Variants in PCDHGB4 observed in about 807,000 individuals in gnomAD.
PCDHGB4 encodes protocadherin gamma subfamily B, 4.
A neutral mutation model predicts 60.5 loss-of-function variants in PCDHGB4; 38 were observed. That is an observed-to-expected ratio of 0.63 (90% CI 0.48 to 0.82). The LOEUF is 0.82. Among genes scored for constraint, PCDHGB4 ranks in the 40% least tolerant of loss-of-function variants. The pLI, the probability that PCDHGB4 is intolerant of heterozygous loss-of-function variation, is 0.00. For synonymous variants in PCDHGB4, 456 were observed against 509.7 expected (o/e 0.89, Z 1.42); for missense variants, 1,109 against 1,209.6 (o/e 0.92, Z 1.23).
intron 1 of PCDHGB4, chr5:141,418,939 C>G: frequency 6.2e-7 from 1 of 1,613,760 alleles, no homozygotes; most frequent in Non-Finnish European, 8.5e-7. Context: ...TGGAGGATTC[C>G]CCTCCAGGAG....
intron 1 of PCDHGB4, among the ~76,000 whole-genome samples, chr5:141,461,253 C>A (rs1358900194): frequency 6.6e-6 from 1 of 152,108 alleles, no homozygotes; most frequent in Non-Finnish European, 1.5e-5. Flanking sequence ...ATATTCCCAG[C>A]AGCAATGTGT....
At chr5:141,505,151 G>T (rs2099844154) in intron 2 of PCDHGB4, among the ~76,000 whole-genome samples, 1 of 152,164 alleles carries the variant, frequency 6.6e-6, no homozygotes, top group Non-Finnish European at 1.5e-5. Context: ...GACAGAGTAA[G>T]ACCCTGTCTA....
chr5:141,508,627 C>T (rs566012494), intron 3 of PCDHGB4, among the ~76,000 whole-genome samples: 1 of 152,262 alleles, frequency 6.6e-6, no homozygotes, highest in South Asian at 2.1e-4. Flanking sequence ...GTGGGCCGAG[C>T]TTCTAGCTAC....
chr5:141,497,824 T>G (rs1164705269), intron 2 of PCDHGB4, among the ~76,000 whole-genome samples: 1 of 152,086 alleles, frequency 6.6e-6, no homozygotes, highest in African/African-American at 2.4e-5. Flanking sequence ...ACAGGTGTGA[T>G]CGCCCCCGGC....
chr5:141,502,825 G>A (rs1487995525), intron 2 of PCDHGB4, among the ~76,000 whole-genome samples: 4 of 151,216 alleles, frequency 2.6e-5, no homozygotes, highest in South Asian at 2.1e-4. Flanking sequence ...TTTCCTTGGG[G>A]AAGCCTGGAC....
At position 141,389,758 on chromosome 5, in the gene PCDHGB4, G is replaced by T. The variant is rs201153580; in HGVS notation, c.1874G>T (p.Arg625Leu). The change falls in exon 1 of 4, where the codon CGC becomes CTC. Residue 625 changes from arginine to leucine, a missense_variant. Around this residue, in one of 2 missense-constraint regions of PCDHGB4, gnomAD observed 1,068 missense variants for 1,089.9 expected, o/e 0.98. Transcript: ENST00000519479. Reference sequence around the variant, plus strand: ...CTGGGGCTGCGCACGGGCGAAGTGCGCACAGCGCGTGCCTTAGGCGACAGG... The same window carrying T: ...CTGGGGCTGCGCACGGGCGAAGTGCTCACAGCGCGTGCCTTAGGCGACAGG... ...FSLGLRTGEV[R>L]TARALGDRDA... is the part of the protein sequence containing the mutation. The T allele has an allele frequency of 1.4e-4, 224 of 1,612,792 alleles. No homozygotes were observed. The African/African-American group carries it at 2.7e-3, about 19-fold the overall frequency.
In PCDHGB4 at chr5:141,490,275, C is replaced by A; in HGVS notation, c.2398-4532C>A. 6.2e-7 allele frequency: 1 copy of A among 1,614,238 alleles called. No individual in the cohort carries two copies. The highest frequency in any genetic ancestry group is 8.5e-7 in the Non-Finnish European group (1 of 1,180,044). On this transcript the variant is annotated intron_variant, in intron 1 of 3. Transcript: ENST00000519479. The surrounding 1 kb of genome is among the most constrained non-coding windows in gnomAD (Gnocchi z 5.4). Reference sequence around the variant, plus strand: ...AAGTGGATGTGGGGGATGTCAATGACAATGCCCCAGAGGTGCTATTGGCCT... The same window carrying A: ...AAGTGGATGTGGGGGATGTCAATGAAAATGCCCCAGAGGTGCTATTGGCCT...
Position 141,490,876 on chromosome 5 carries a change from G to T in PCDHGB4, c.2398-3931G>T. On this transcript the variant is annotated intron_variant, in intron 1 of 3. Coordinates refer to ENST00000519479, the MANE Select transcript of PCDHGB4 (RefSeq NM_003736.4). The surrounding 1 kb of genome is among the most constrained non-coding windows in gnomAD (Gnocchi z 5.4). Reference sequence around the variant, plus strand: ...AGACTCCGGCTCTCCCCCATTGCATGCCAACACATCTCTGCATGTGTTTGT... The same window carrying T: ...AGACTCCGGCTCTCCCCCATTGCATTCCAACACATCTCTGCATGTGTTTGT... 6.2e-7 allele frequency: 1 copy of T among 1,613,840 alleles called. No homozygotes were observed. The highest frequency in any genetic ancestry group is 8.5e-7 in the Non-Finnish European group (1 of 1,179,894).
In PCDHGB4 at chr5:141,489,203, C is replaced by A; in HGVS notation, c.2398-5604C>A. On this transcript the variant is annotated intron_variant, in intron 1 of 3. Transcript: ENST00000519479. The surrounding 1 kb of genome is among the most constrained non-coding windows in gnomAD (Gnocchi z 4.5). ...CCCTGGGTCTACCTTGGAGACAGGA[C>A]AGCACAGACTTACTCTCCACAAAGG... is the stretch of plus-strand genomic sequence containing the variant. 7.1e-7 allele frequency: 1 copy of A among 1,414,834 alleles called. No individual in the cohort carries two copies. Among genetic ancestry groups the A allele is most frequent in the Non-Finnish European group, 9.6e-7 (1 of 1,040,052 alleles). The allele number at this position is 1,414,834 out of a possible 1,614,324, so 87.6% of individuals were successfully genotyped here.
chr5:141,489,084 C>A lies in PCDHGB4; in HGVS notation c.2398-5723C>A. On this transcript the variant is annotated intron_variant, in intron 1 of 3. Coordinates refer to ENST00000519479, the MANE Select transcript of PCDHGB4 (RefSeq NM_003736.4). The surrounding 1 kb of genome is among the most constrained non-coding windows in gnomAD (Gnocchi z 4.5). Reference sequence around the variant, plus strand: ...CTCCCCCCTGCCCACCCCCGCCACTCGGTGACTAAGAACTGCTGCAAGCAG... The same window carrying A: ...CTCCCCCCTGCCCACCCCCGCCACTAGGTGACTAAGAACTGCTGCAAGCAG... The A allele has an allele frequency of 9.1e-6, 3 of 329,124 alleles. No homozygotes were observed. The highest frequency in any genetic ancestry group is 1.1e-5 in the Non-Finnish European group (2 of 186,464). The allele number at this position is 329,124 out of a possible 1,614,324, so 20.4% of individuals were successfully genotyped here. A position where few individuals can be genotyped will look rare whatever the true frequency, so the allele number is the denominator to read the frequency against.
At chr5:141,492,216 C>T (rs1163022229) in intron 1 of PCDHGB4, among the ~76,000 whole-genome samples, 1 of 152,140 alleles carries the variant, frequency 6.6e-6, no homozygotes, top group Non-Finnish European at 1.5e-5. Context: ...GCGCGGGGCT[C>T]ATGCGTGTCC....
At chr5:141,402,971 T>A (rs1589470573) in intron 1 of PCDHGB4, 1 of 1,608,252 alleles carries the variant, frequency 6.2e-7, no homozygotes, top group East Asian at 2.2e-5. Flanking sequence ...TCCAACCAAA[T>A]GCCAGCTCCG....
At position 141,498,660 on chromosome 5, in the gene PCDHGB4, G is replaced by A. The variant is rs969314533; in HGVS notation, c.2456+3795G>A. Among the ~76,000 whole-genome samples, 11 of 152,192 alleles carry A rather than the reference G, an allele frequency of 7.2e-5. No homozygotes were observed. In the East Asian group the frequency reaches 9.6e-4, roughly 13 times the overall value. ...GAAGGAAGAAGACCTGGCCAGGTGT[G>A]GTGGCTCACGCCTGTAATCCCAGCA... is the stretch of plus-strand genomic sequence containing the variant. On this transcript the variant is annotated intron_variant, in intron 2 of 3. Coordinates refer to ENST00000519479, the MANE Select transcript of PCDHGB4 (RefSeq NM_003736.4).
At chr5:141,456,342 G>A (rs1439003615) in intron 1 of PCDHGB4, among the ~76,000 whole-genome samples, 1 of 152,114 alleles carries the variant, frequency 6.6e-6, no homozygotes, top group African/African-American at 2.4e-5. Context: ...AAGGGTCCTC[G>A]GAAGAATGGC....
chr5:141,421,163 G>C, intron 1 of PCDHGB4: 2 of 1,276,926 alleles, frequency 1.6e-6, no homozygotes, highest in Non-Finnish European at 2.1e-6. Flanking sequence ...GGACTTCATA[G>C]ATACATAAGC....
chr5:141,392,622 A>ACTCACAT, intron 1 of PCDHGB4: 1 of 558,650 alleles, frequency 1.8e-6, no homozygotes, highest in Non-Finnish European at 3.0e-6. Context: ...AACCGAAAAC[A>ACTCACAT]CTCAGATCTC....
intron 1 of PCDHGB4, chr5:141,415,157 C>G: frequency 6.2e-7 from 1 of 1,613,864 alleles, no homozygotes. Context: ...CTCTCCGCCA[C>G]TGTCACGCTC....
chr5:141,423,325 G>A lies in PCDHGB4; in HGVS notation c.2397+33044G>A, dbSNP rs201044967. ...GCTGTACTTGGTGGTGGCGGTGGCCGCAGTCTCCTGCATCTTCCTGGTCTT... is the reference window on the plus strand; with the variant it reads ...GCTGTACTTGGTGGTGGCGGTGGCCACAGTCTCCTGCATCTTCCTGGTCTT... On this transcript the variant is annotated intron_variant, in intron 1 of 3. Coordinates refer to ENST00000519479, the MANE Select transcript of PCDHGB4 (RefSeq NM_003736.4). 133 of 1,614,016 alleles carry A rather than the reference G, an allele frequency of 8.2e-5. No individual in the cohort carries two copies. Among genetic ancestry groups the A allele is most frequent in the Non-Finnish European group, 4.1e-5 (48 of 1,180,008 alleles).
chr5:141,427,434 A>G (rs2097026509), intron 1 of PCDHGB4: 1 of 473,650 alleles, frequency 2.1e-6, no homozygotes, highest in African/African-American at 2.0e-5. Context: ...TACATGCCTC[A>G]TAAACGAAAG....
Sources: gnomAD v4.1 joint callset for allele counts (sites outside exome capture counted in the v4.1 genomes callset) on GRCh38, gnomAD v4.1.1 for gene constraint, gnomAD v4.1.1 regional missense constraint, Gnocchi (gnomAD v3.1) non-coding constraint, MANE v1.5 for transcripts, NCBI Gene and HGNC (gene_info 2026-07-23, HGNC 2026-07-21) for gene names.